The following PRAM1 variants were observed in gnomAD, a reference collection of about 807,000 sequenced individuals.
PRAM1 encodes PML-RARA-regulated adapter molecule 1.
PRAM1 carries 41 observed loss-of-function variants against 55.3 expected under a neutral mutation model. That is an observed-to-expected ratio of 0.74 (90% CI 0.58 to 0.96). The LOEUF is 0.96. Ranked by LOEUF, PRAM1 falls within the 40% of genes least tolerant of loss-of-function variation. The pLI is 0.00. For missense variants in PRAM1, 898 were observed against 892.7 expected, an observed-to-expected ratio of 1.01 and a Z score of -0.08; for synonymous variants, 401 against 387.1, an observed-to-expected ratio of 1.04 and a Z score of -0.42.
At position 8,499,922 on chromosome 19, in the gene PRAM1, C is replaced by A. The variant is rs892372175; in HGVS notation, c.28-142G>T. 8 of 692,638 alleles carry A rather than the reference C, an allele frequency of 1.2e-5. No individual in the cohort carries two copies. The African/African-American group carries it at 1.4e-4, about 13-fold the overall frequency. 42.9% of individuals were successfully genotyped at this position (692,638 alleles called of 1,614,324 possible). A position where few individuals can be genotyped will look rare whatever the true frequency, so the allele number is the denominator to read the frequency against. On this transcript the variant is annotated intron_variant, in intron 1 of 9. Transcript: ENST00000423345. ...TCAGCCCTCAGCTCTTTCCCAGGAGCCCCCATGGATCCTAGGATCCTGGGA... is the reference window on the plus strand; with the variant it reads ...TCAGCCCTCAGCTCTTTCCCAGGAGACCCCATGGATCCTAGGATCCTGGGA...
In PRAM1 at chr19:8,498,593, C is replaced by T. The variant is rs189251355; in HGVS notation, c.1215G>A (p.Pro405=). The change falls in exon 2 of 10, where the codon CCG becomes CCA. Residue 405 remains proline (P), a synonymous_variant. Transcript: ENST00000423345. ...CAGCCGCTCCAAACCCAGGGCTGAGCGGGTGCCGGGAGCTGAAGCCGGCCA... is the reference window on the plus strand; with the variant it reads ...CAGCCGCTCCAAACCCAGGGCTGAGTGGGTGCCGGGAGCTGAAGCCGGCCA... The part of the protein sequence containing the change: ...AAVAGFSSRH[P]LSPGFGAAGT... The T allele has an allele frequency of 3.1e-4, 497 of 1,612,460 alleles. 1 individual carries two copies. The African/African-American group carries it at 5.5e-3, about 18-fold the overall frequency.
Position 8,493,352 on chromosome 19 carries a change from C to T in PRAM1, c.1577-2195G>A, listed in dbSNP as rs1971655207. ...GATACCAGGCATGGCCATCCACAGTCTCACCTGGAACACACAGCCCCTCCA... is the reference window on the plus strand; with the variant it reads ...GATACCAGGCATGGCCATCCACAGTTTCACCTGGAACACACAGCCCCTCCA... On this transcript the variant is annotated intron_variant, in intron 4 of 9. Coordinates refer to ENST00000423345, the MANE Select transcript of PRAM1 (RefSeq NM_032152.5). The surrounding 1 kb of genome is among the most constrained non-coding windows in gnomAD (Gnocchi z 4.1). Among the ~76,000 whole-genome samples, 1 of 152,234 alleles carries T rather than the reference C, an allele frequency of 6.6e-6. No individual in the cohort carries two copies. Among genetic ancestry groups the T allele is most frequent in the African/African-American group, 2.4e-5 (1 of 41,476 alleles).
chr19:8,498,245 G>C lies in PRAM1; in HGVS notation c.1477C>G (p.Arg493Gly). The C allele has an allele frequency of 1.2e-6, 2 of 1,612,700 alleles. No homozygotes were observed. Among genetic ancestry groups the C allele is most frequent in the Non-Finnish European group, 1.7e-6 (2 of 1,179,546 alleles). ...CACTGCGGGATGTCTTCAGGCTGTC[G>C]GTCCTGGAAGTGGAGCCCAGCGGCC... is the stretch of plus-strand genomic sequence containing the variant. Reference protein sequence around the residue: ...RSAAGLHFQDRQPEDIPQVPD... With the variant: ...RSAAGLHFQDGQPEDIPQVPD... The change falls in exon 3 of 10, where the codon CGA becomes GGA. Residue 493 changes from arginine to glycine, a missense_variant. This residue lies in a region of PRAM1 where 787 missense variants were observed against 735.4 expected (regional missense o/e 1.07). Coordinates refer to ENST00000423345, the MANE Select transcript of PRAM1 (RefSeq NM_032152.5).
intron 4 of PRAM1, among the ~76,000 whole-genome samples, chr19:8,492,537 C>T (rs1971644435): frequency 6.6e-6 from 1 of 151,890 alleles, no homozygotes; most frequent in Non-Finnish European, 1.5e-5. Context: ...GATTACAGGC[C>T]TGAGCCACTG....
Position 8,498,507 on chromosome 19 carries a change from C to A in PRAM1, c.1301G>T (p.Arg434Ile), listed in dbSNP as rs1160628040. The A allele has an allele frequency of 2.5e-6, 4 of 1,600,194 alleles. No homozygotes were observed. In the South Asian group the frequency reaches 4.5e-5, roughly 18 times the overall value. Residue 434 changes from arginine to isoleucine, a missense_variant, in exon 2 of 10, where the codon AGA (arginine) becomes ATA (isoleucine). Transcript: ENST00000423345. ...CCTCCGCCGGGGTGGATGGCTGGGT[C>A]TGAGGCCTGGCCTGGCCCCTCCACT... The part of the protein sequence containing the change: ...VHSGGARPGL[R>I]PSHPPRRRPL...
intron 2 of PRAM1, 23 bp downstream of exon 2, chr19:8,498,353 C>G: frequency 2.5e-6 from 4 of 1,583,506 alleles, no homozygotes; most frequent in Non-Finnish European, 3.4e-6. Flanking sequence ...CCGCTCCTGC[C>G]GGTGCCGCCC....
rs1255638699 is a variant in PRAM1, at chr19:8,490,350, C to T, written c.1963G>A (p.Val655Ile). The T allele has an allele frequency of 6.2e-7, 1 of 1,613,902 alleles. No individual in the cohort carries two copies. The highest frequency in any genetic ancestry group is 8.5e-7 in the Non-Finnish European group (1 of 1,179,900). Residue 655 changes from valine to isoleucine, a missense_variant, in exon 9 of 10, where the codon GTC becomes ATC. By Grantham distance (29) the Val-to-Ile change is conservative. Around this residue, in one of 4 missense-constraint regions of PRAM1, gnomAD observed 787 missense variants for 735.4 expected, o/e 1.07. Transcript: ENST00000423345. This position sits in a 1 kb window ranked among gnomAD's most constrained non-coding sequence, Gnocchi z 7.3. ...AGTGTCCACGTACCGCAGAAGTCGA[C>T]ATCATCGTACACCTCCGTCTCCCTG... ...LPLETEVYDD[V>I]DFCDPLENQP...
chr19:8,499,890 G>A, intron 1 of PRAM1, 110 bp from the exon 2 acceptor site: 1 of 918,434 alleles, frequency 1.1e-6, no homozygotes, highest in Non-Finnish European at 1.6e-6. Context: ...CCTGCGCCCA[G>A]GCCCGGTCAG....
In PRAM1 at chr19:8,490,231, C is replaced by G. The variant is rs566050083; in HGVS notation, c.1976-5G>C. 5 of 1,605,472 alleles carry G rather than the reference C, an allele frequency of 3.1e-6. No individual in the cohort carries two copies. The highest frequency in any genetic ancestry group is 4.3e-6 in the Non-Finnish European group (5 of 1,175,164). Reference sequence around the variant, plus strand: ...GTGGTTGGTTTTCCAGGGGATCTGCCGAGGAAGCGTGACTTCCATGGACCC... The same window carrying G: ...GTGGTTGGTTTTCCAGGGGATCTGCGGAGGAAGCGTGACTTCCATGGACCC... On this transcript the variant is annotated splice_polypyrimidine_tract_variant and splice_region_variant and intron_variant, in intron 9 of 9. Transcript: ENST00000423345. This position sits in a 1 kb window ranked among gnomAD's most constrained non-coding sequence, Gnocchi z 7.3.
rs774699819 is a variant in PRAM1 at position 8,499,280 on chromosome 19, G to A, written c.528C>T (p.Pro176=). The part of the protein sequence containing the change: ...KPLQPDELSH[P]ARPPSEPKSG... ...ATTTGGGTTCGGAGGGGGGTCTGGC[G>A]GGGTGACTGAGTTCGTCGGGCTGCA... The change falls in exon 2 of 10, where the codon CCC becomes CCT. Residue 176 remains proline (P), a synonymous_variant. Coordinates refer to ENST00000423345, the MANE Select transcript of PRAM1 (RefSeq NM_032152.5). The A allele has an allele frequency of 5.6e-6, 9 of 1,609,572 alleles. No individual in the cohort carries two copies. In the Admixed American group the frequency reaches 1.3e-4, roughly 24 times the overall value.
chr19:8,494,027 A>G (rs1258565730), intron 4 of PRAM1, among the ~76,000 whole-genome samples: 2 of 152,028 alleles, frequency 1.3e-5, no homozygotes, highest in Non-Finnish European at 2.9e-5. Flanking sequence ...CGAACTCCCA[A>G]CCTCAACTGA....
rs956489486 is a variant in PRAM1, at chr19:8,499,367, C to T, written c.441G>A (p.Glu147=). 4 of 1,612,992 alleles carry T rather than the reference C, an allele frequency of 2.5e-6. No individual in the cohort carries two copies. The highest frequency in any genetic ancestry group is 1.1e-5 in the South Asian group (1 of 91,058). The part of the protein sequence containing the change: ...TPFPRKPLQP[E]VGEAPLKASL... Reference sequence around the variant, plus strand: ...AGGCCTTCAAAGGGGCCTCACCGACCTCAGGCTGCAGGGGCTTCCTTGGAA... The same window carrying T: ...AGGCCTTCAAAGGGGCCTCACCGACTTCAGGCTGCAGGGGCTTCCTTGGAA... Residue 147 remains glutamate (E), a synonymous_variant, in exon 2 of 10, where the codon GAG becomes GAA. Transcript: ENST00000423345.
Position 8,491,005 on chromosome 19 carries a change from C to T in PRAM1, c.1635-10G>A. ...GGGATCCTTCTCCTTCCTGATAGCC[C>T]CCACCAAGGAATTGTGTGCTCGTGA... On this transcript the variant is annotated splice_polypyrimidine_tract_variant and intron_variant, in intron 5 of 9. Transcript: ENST00000423345. The T allele has an allele frequency of 6.2e-7, 1 of 1,613,274 alleles. No individual in the cohort carries two copies. The highest frequency in any genetic ancestry group is 1.7e-5 in the Admixed American group (1 of 60,010).
At position 8,499,090 on chromosome 19, in the gene PRAM1, A is replaced by T. The variant is rs764126877; in HGVS notation, c.718T>A (p.Ser240Thr). 6.2e-7 allele frequency: 1 copy of T among 1,612,568 alleles called. No individual in the cohort carries two copies. The highest frequency in any genetic ancestry group is 8.5e-7 in the Non-Finnish European group (1 of 1,179,526). Residue 240 changes from serine (S) to threonine (T), a missense_variant, in exon 2 of 10, where the codon TCC (serine) becomes ACC (threonine). By Grantham distance (58) the Ser-to-Thr change is moderately conservative (BLOSUM62 1). Around this residue, in one of 4 missense-constraint regions of PRAM1, gnomAD observed 787 missense variants for 735.4 expected, o/e 1.07. Transcript: ENST00000423345. ...TCGCTGAACTCAGGCTGCGGCACGG[A>T]CTTCTTAGGGAGGCCACCGACCTGA... ...QPQVGGLPKKSVPQPEFSEAA... is the reference protein window; with the variant it reads ...QPQVGGLPKKTVPQPEFSEAA...
At chr19:8,497,347 T>G (rs938212683) in intron 4 of PRAM1, among the ~76,000 whole-genome samples, 1 of 152,046 alleles carries the variant, frequency 6.6e-6, no homozygotes, top group Non-Finnish European at 1.5e-5. Flanking sequence ...GGCTGATTTT[T>G]AAGTTTTTTT....
chr19:8,497,753 C>T lies in PRAM1; in HGVS notation c.1576+11G>A, dbSNP rs375880609. The T allele has an allele frequency of 2.6e-5, 42 of 1,599,254 alleles. 5 individuals are homozygous for T. The highest frequency in any genetic ancestry group is 1.1e-4 in the East Asian group (5 of 44,820). On this transcript the variant is annotated intron_variant, in intron 4 of 9. Transcript: ENST00000423345. The stretch of plus-strand genomic sequence containing the variant: ...ATGTTTTGCAGGGACTCGGGCAGGC[C>T]ACCAACAAACCTCTGCCCTTGGGGC...
At chr19:8,491,607 A>C in intron 4 of PRAM1, 1 of 200,378 alleles carries the variant, frequency 5.0e-6, no homozygotes, top group Non-Finnish European at 1.0e-5. Context: ...TCCCCTCCCA[A>C]ACCTCTCCCT....
intron 1 of PRAM1, among the ~76,000 whole-genome samples, chr19:8,500,263 G>A (rs368204913): frequency 3.3e-4 from 50 of 151,698 alleles, no homozygotes; most frequent in Non-Finnish European, 5.2e-4. Flanking sequence ...TTGAGCCGCC[G>A]CGCCCAGGCC....
Position 8,490,588 on chromosome 19 carries a change from A to G in PRAM1, c.1906+6T>C. Reference sequence around the variant, plus strand: ...CTCCCGGGGCTGCGGGGCCGGGCGCACTCACATTTGCCTTTGGGGTCCCGG... The same window carrying G: ...CTCCCGGGGCTGCGGGGCCGGGCGCGCTCACATTTGCCTTTGGGGTCCCGG... On this transcript the variant is annotated splice_donor_region_variant and intron_variant, in intron 7 of 9. Transcript: ENST00000423345. This position sits in a 1 kb window ranked among gnomAD's most constrained non-coding sequence, Gnocchi z 7.3. 6 of 1,586,804 alleles carry G rather than the reference A, an allele frequency of 3.8e-6. No homozygotes were observed. The highest frequency in any genetic ancestry group is 3.4e-5 in the South Asian group (3 of 87,870).
Sources: allele counts gnomAD v4.1 joint callset (sites outside exome capture counted in the v4.1 genomes callset), GRCh38; gene constraint gnomAD v4.1.1; regional missense constraint gnomAD v4.1.1; non-coding constraint Gnocchi (gnomAD v3.1); transcripts MANE v1.5; gene names NCBI Gene and HGNC (gene_info 2026-07-23, HGNC 2026-07-21).